CARS2: variants seen among roughly 807,000 people sequenced by gnomAD.
The protein encoded by CARS2 is cysteinyl-tRNA synthetase 2, mitochondrial, also known as probable cysteine--tRNA ligase, mitochondrial.
In CARS2, 52 loss-of-function variants were observed where a neutral mutation model predicts 68.8. That is an observed-to-expected ratio of 0.76 (90% CI 0.61 to 0.95). The LOEUF is 0.95. Ranked by LOEUF, CARS2 falls within the 40% of genes least tolerant of loss-of-function variation. The pLI is 0.00. For missense variants in CARS2, 780 were observed against 754.2 expected, an observed-to-expected ratio of 1.03 and a Z score of -0.40; for synonymous variants, 314 against 303.6, an observed-to-expected ratio of 1.03 and a Z score of -0.36.
chr13:110,652,507 C>T (rs1027517856), intron 9 of CARS2, among the ~76,000 whole-genome samples: 2 of 151,902 alleles, frequency 1.3e-5, no homozygotes, highest in Non-Finnish European at 2.9e-5. Flanking sequence ...CTCGCCCACC[C>T]AGTAGAAAGG....
chr13:110,655,102 G>A (rs140996428), intron 9 of CARS2, among the ~76,000 whole-genome samples: 29 of 152,048 alleles, frequency 1.9e-4, no homozygotes, highest in African/African-American at 5.3e-4. Flanking sequence ...AAAACATTCC[G>A]AATGTGCCCG....
chr13:110,696,497 T>C (rs1364149464), intron 3 of CARS2, among the ~76,000 whole-genome samples: 2 of 152,262 alleles, frequency 1.3e-5, no homozygotes, highest in Non-Finnish European at 2.9e-5. Flanking sequence ...ACTGTGGTTT[T>C]GATTTGCATT....
chr13:110,644,503 A>C lies in CARS2; in HGVS notation c.1318-20T>G. ...AGGTTCCTGTAAGAGATCATGTCGC[A>C]GAAGCTCCTTAAAAGCAGTCTTGAT... On this transcript the variant is annotated intron_variant, in intron 12 of 14. Transcript: ENST00000257347. 6.2e-7 allele frequency: 1 copy of C among 1,613,690 alleles called. No homozygotes were observed. Among genetic ancestry groups the C allele is most frequent in the South Asian group, 1.1e-5 (1 of 91,054 alleles).
chr13:110,706,754 A>T (rs2063969413), upstream of CARS2, among the ~76,000 whole-genome samples: 1 of 149,346 alleles, frequency 6.7e-6, no homozygotes, highest in African/African-American at 2.5e-5. Context: ...CCCAATACAC[A>T]GTATGCACCC....
intron 6 of CARS2, among the ~76,000 whole-genome samples, chr13:110,680,493 G>T (rs550495305): frequency 6.6e-6 from 1 of 152,336 alleles, no homozygotes; most frequent in South Asian, 2.1e-4. Flanking sequence ...AAGGATCTAA[G>T]CCTAGAGCGG....
At chr13:110,679,071 C>T (rs1457795816) in intron 6 of CARS2, among the ~76,000 whole-genome samples, 1 of 152,234 alleles carries the variant, frequency 6.6e-6, no homozygotes, top group Non-Finnish European at 1.5e-5. Context: ...TTAATGAAAC[C>T]CCGTGGCCCT....
In CARS2 at chr13:110,665,892, A is replaced by C. The variant is rs146699991; in HGVS notation, c.919+1448T>G. ...TAATTTCCCAATTCAAGGGTTTCAAAAACTAGTATTTGTTAATTTCCTGTA... is the reference window on the plus strand; with the variant it reads ...TAATTTCCCAATTCAAGGGTTTCAACAACTAGTATTTGTTAATTTCCTGTA... On this transcript the variant is annotated intron_variant, in intron 8 of 14. Transcript: ENST00000257347. This position sits in a 1 kb window ranked among gnomAD's most constrained non-coding sequence, Gnocchi z 4.3. 3.6e-5 allele frequency: 35 copies of C among 985,374 alleles called. 1 individual carries two copies. In the East Asian group the frequency reaches 3.5e-3, roughly 99 times the overall value. The allele number at this position is 985,374 out of a possible 1,614,324, so 61.0% of individuals were successfully genotyped here.
At chr13:110,658,590 C>T (rs750610917) in intron 9 of CARS2, among the ~76,000 whole-genome samples, 2 of 152,090 alleles carry the variant, frequency 1.3e-5, no homozygotes. Flanking sequence ...ATCAACTCCT[C>T]GTTTAAAAAT....
intron 13 of CARS2, chr13:110,643,995 CAT>C (rs376300102): frequency 1.5e-4 from 106 of 698,906 alleles, no homozygotes; most frequent in African/African-American, 5.0e-4. Flanking sequence ...CCGTACAAAA[CAT>C]GTGCCAGGCA....
chr13:110,649,931 CTTTT>C lies in CARS2; in HGVS notation c.1054+1099_1054+1102del, dbSNP rs59276783. Among the ~76,000 whole-genome samples, 136 of 73,136 alleles carry C rather than the reference CTTTT, an allele frequency of 1.9e-3. 2 individuals are homozygous for C. Among genetic ancestry groups the C allele is most frequent in the African/African-American group, 6.1e-3 (117 of 19,264 alleles). 48.0% of individuals were successfully genotyped at this position (73,136 alleles called of 152,430 possible). On this transcript the variant is annotated intron_variant, in intron 10 of 14. Coordinates refer to ENST00000257347, the MANE Select transcript of CARS2 (RefSeq NM_024537.4). ...CCAGGGATGCAGCTCTGGATAACGA[CTTTT>C]TTTTTTTTTTTTTTTTTTTTGAGAC...
At chr13:110,647,361 G>A (rs1344917855) in intron 10 of CARS2, 122 bp from the exon 11 acceptor site, 1 of 1,248,602 alleles carries the variant, frequency 8.0e-7, no homozygotes, top group South Asian at 1.4e-5. Context: ...AGCGGGACAT[G>A]TGGCTCTCAC....
rs1370104921 is a variant in CARS2, at chr13:110,642,391, AGCT to A, written c.1544_1546del (p.Gln515del). 1 of 1,570,040 alleles carries A rather than the reference AGCT, an allele frequency of 6.4e-7. No individual in the cohort carries two copies. Among genetic ancestry groups the A allele is most frequent in the East Asian group, 2.4e-5 (1 of 42,360 alleles). On this transcript the variant is annotated inframe_deletion, in exon 14 of 15. Coordinates refer to ENST00000257347, the MANE Select transcript of CARS2 (RefSeq NM_024537.4). ...TTCCAGCAGGGGCTGCCTTTCTAGG[AGCT>A]GCTGCCGCCGGGCGTCCCCCGTGGC...
At chr13:110,712,142 A>C (rs2064034008) in intron 1 of CARS2, 1 of 152,336 alleles carries the variant, frequency 6.6e-6, no homozygotes, top group Non-Finnish European at 1.5e-5. Context: ...AGAAAAATGG[A>C]GAACCGCGCT....
intron 9 of CARS2, among the ~76,000 whole-genome samples, chr13:110,655,572 A>G (rs982615852): frequency 6.6e-6 from 1 of 152,232 alleles, no homozygotes; most frequent in Non-Finnish European, 1.5e-5. Flanking sequence ...ATGTGTGCAC[A>G]CACACACCTG....
chr13:110,660,932 T>G (rs1182333746), intron 9 of CARS2, among the ~76,000 whole-genome samples: 1 of 152,076 alleles, frequency 6.6e-6, no homozygotes, highest in Non-Finnish European at 1.5e-5. Flanking sequence ...CAGCTAATTT[T>G]TGTATTTTTA....
In CARS2 at chr13:110,687,789, T is replaced by C; in HGVS notation, c.503A>G (p.Asn168Ser). ...AATGAAAGAAATTATCTGAGGAATA[T>C]TTTCGGTTACCCTCAGGTACACCGT... is the stretch of plus-strand genomic sequence containing the variant. The part of the protein sequence containing the change: ...PPTVYLRVTE[N>S]IPQIISFIEG... Residue 168 changes from asparagine to serine, a missense_variant, in exon 5 of 15, where the codon AAT (asparagine) becomes AGT (serine). Transcript: ENST00000257347. 2 of 1,613,192 alleles carry C rather than the reference T, an allele frequency of 1.2e-6. No homozygotes were observed. Among genetic ancestry groups the C allele is most frequent in the Non-Finnish European group, 8.5e-7 (1 of 1,179,466 alleles).
Position 110,653,199 on chromosome 13 carries a change from A to ATGTGTGTG in CARS2, c.988-2107_988-2100dup, listed in dbSNP as rs140488394. On this transcript the variant is annotated intron_variant, in intron 9 of 14. Transcript: ENST00000257347. The surrounding 1 kb of genome is among the most constrained non-coding windows in gnomAD (Gnocchi z 5.6). ...CTGGGGTGGGGAGGGGGGCTGGGGT[A>ATGTGTGTG]TGTGTGTGTGTGTGTTTGTGTGTGT... Among the ~76,000 whole-genome samples the ATGTGTGTG allele has an allele frequency of 2.7e-5, 4 of 148,836 alleles. No homozygotes were observed. Among genetic ancestry groups the ATGTGTGTG allele is most frequent in the African/African-American group, 1.0e-4 (4 of 39,842 alleles).
Position 110,647,076 on chromosome 13 carries a change from G to A in CARS2, c.1193+25C>T, listed in dbSNP as rs185149092. 7.0e-4 allele frequency: 1,083 copies of A among 1,542,404 alleles called. 13 individuals carry two copies. The African/African-American group carries it at 0.012, about 17-fold the overall frequency. The stretch of plus-strand genomic sequence containing the variant: ...CAGCAGGCCACAGGAGGGGTGCCAC[G>A]CCGGGTGCTAGGCGGGCCTCTTACC... On this transcript the variant is annotated intron_variant, in intron 11 of 14. Transcript: ENST00000257347.
intron 8 of CARS2, 131 bp from the exon 9 acceptor site, chr13:110,663,649 A>T: frequency 2.1e-6 from 3 of 1,429,716 alleles, no homozygotes; most frequent in Middle Eastern, 2.5e-4. Flanking sequence ...ATGTTGGTAT[A>T]AATCTGCCCC....
Sources: gnomAD v4.1 joint callset for allele counts (sites outside exome capture counted in the v4.1 genomes callset) on GRCh38, gnomAD v4.1.1 for gene constraint, Gnocchi (gnomAD v3.1) non-coding constraint, MANE v1.5 for transcripts, NCBI Gene and HGNC (gene_info 2026-07-23, HGNC 2026-07-21) for gene names.